Variants in KIRREL3 observed in about 807,000 individuals in gnomAD.
KIRREL3 encodes the protein kirre like nephrin family adhesion molecule 3, also known as kin of IRRE-like protein 3.
In KIRREL3, 36 loss-of-function variants were observed where a neutral mutation model predicts 89.7. That is an observed-to-expected ratio of 0.40 (90% CI 0.31 to 0.53). The LOEUF is 0.53. Ranked by LOEUF, KIRREL3 falls within the 20% of genes least tolerant of loss-of-function variation. The probability of loss-of-function intolerance (pLI) is 0.49; values close to 1 mark genes in which losing one functional copy is unlikely to be tolerated. For missense variants in KIRREL3, 864 were observed against 1,056.6 expected, an observed-to-expected ratio of 0.82 and a Z score of 2.53; for synonymous variants, 445 against 441.4, an observed-to-expected ratio of 1.01 and a Z score of -0.10.
intron 1 of KIRREL3, among the ~76,000 whole-genome samples, chr11:126,720,927 G>A (rs541379877): frequency 1.4e-4 from 21 of 152,298 alleles, no homozygotes; most frequent in African/African-American, 5.1e-4. Context: ...GGCAGGGGCA[G>A]GGAACAATCT....
intron 1 of KIRREL3, among the ~76,000 whole-genome samples, chr11:126,577,150 G>A (rs1443819820): frequency 3.3e-5 from 5 of 152,290 alleles, no homozygotes; most frequent in Non-Finnish European, 5.9e-5. Context: ...TCTTAGCCGC[G>A]TTTCCTATCG....
chr11:126,667,625 C>A (rs2135042225), intron 1 of KIRREL3, among the ~76,000 whole-genome samples: 1 of 152,262 alleles, frequency 6.6e-6, no homozygotes, highest in East Asian at 1.9e-4. Context: ...ATTCTACGAT[C>A]TTTTCCCAGA....
chr11:126,827,007 C>T (rs1017082033), intron 1 of KIRREL3, among the ~76,000 whole-genome samples: 2 of 152,136 alleles, frequency 1.3e-5, no homozygotes, highest in Non-Finnish European at 2.9e-5. Context: ...GGGCAGAGGG[C>T]TTTCCTTGTT....
chr11:126,698,225 T>C (rs923208676), intron 1 of KIRREL3, among the ~76,000 whole-genome samples: 7 of 152,192 alleles, frequency 4.6e-5, no homozygotes, highest in Admixed American at 4.6e-4. Context: ...GCAGGTTTTT[T>C]ACTGTGCCTT....
At position 126,692,738 on chromosome 11, in the gene KIRREL3, A is replaced by G. The variant is rs145140689; in HGVS notation, c.56-129826T>C. ...TTACGCTAAGTGAAACAAGCCAGTC[A>G]CAAAAGGACAAATATTGTATGACTT... On this transcript the variant is annotated intron_variant, in intron 1 of 16. Coordinates refer to ENST00000525144, the MANE Select transcript of KIRREL3 (RefSeq NM_032531.4). Among the ~76,000 whole-genome samples, 250 of 152,366 alleles carry G rather than the reference A, an allele frequency of 1.6e-3. 1 individual carries two copies. The highest frequency in any genetic ancestry group is 5.8e-3 in the African/African-American group (241 of 41,602).
intron 1 of KIRREL3, among the ~76,000 whole-genome samples, chr11:126,784,507 CG>C (rs1950423284): frequency 1.4e-5 from 2 of 145,402 alleles, no homozygotes; most frequent in South Asian, 4.5e-4. Context: ...TCTCCACTTA[CG>C]TCCTCAGTCA....
intron 1 of KIRREL3, among the ~76,000 whole-genome samples, chr11:126,725,191 G>T (rs1948329457): frequency 6.6e-6 from 1 of 152,248 alleles, no homozygotes; most frequent in Admixed American, 6.5e-5. Context: ...ACGTGACCCA[G>T]TGTGATGTAT....
rs544793251 is a variant in KIRREL3, at chr11:126,576,958, C to T, written c.56-14046G>A. ...GGGGAGGGAGTTGTTGCTTCCTGTGCTTCTCATATGAGAAAACTGAGGCTG... is the reference window on the plus strand; with the variant it reads ...GGGGAGGGAGTTGTTGCTTCCTGTGTTTCTCATATGAGAAAACTGAGGCTG... On this transcript the variant is annotated intron_variant, in intron 1 of 16. Coordinates refer to ENST00000525144, the MANE Select transcript of KIRREL3 (RefSeq NM_032531.4). This position sits in a 1 kb window ranked among gnomAD's most constrained non-coding sequence, Gnocchi z 5.4. Among the ~76,000 whole-genome samples, 1 of 152,148 alleles carries T rather than the reference C, an allele frequency of 6.6e-6. No homozygotes were observed. Among genetic ancestry groups the T allele is most frequent in the Non-Finnish European group, 1.5e-5 (1 of 68,038 alleles).
Position 126,844,112 on chromosome 11 carries a change from AC to A in KIRREL3, c.55+156342del, listed in dbSNP as rs1944054920. On this transcript the variant is annotated intron_variant, in intron 1 of 16. Coordinates refer to ENST00000525144, the MANE Select transcript of KIRREL3 (RefSeq NM_032531.4). This position sits in a 1 kb window ranked among gnomAD's most constrained non-coding sequence, Gnocchi z 4.8. ...ACCCTCTTTTGGAGTCTGGATGGGG[AC>A]CCCTTTCCAGTAACATCTTCCTGGT... Among the ~76,000 whole-genome samples, 1 of 152,024 alleles carries A rather than the reference AC, an allele frequency of 6.6e-6. No individual in the cohort carries two copies. The highest frequency in any genetic ancestry group is 1.5e-5 in the Non-Finnish European group (1 of 68,016).
chr11:126,545,847 G>A (rs1938774709), intron 2 of KIRREL3, among the ~76,000 whole-genome samples: 1 of 152,176 alleles, frequency 6.6e-6, no homozygotes, highest in African/African-American at 2.4e-5. Context: ...GGGTTGCAGG[G>A]CAGGGCCCCC....
chr11:126,850,980 C>T (rs1592222389), intron 1 of KIRREL3, among the ~76,000 whole-genome samples: 1 of 152,338 alleles, frequency 6.6e-6, no homozygotes, highest in East Asian at 1.9e-4. Flanking sequence ...AAGTAAGAGG[C>T]AGAGCAGCAC....
rs534628948 is a variant in KIRREL3 at position 126,558,656 on chromosome 11, G to T, written c.133+4179C>A. ...AGGAGGCCTGAGCTCTCTGAGGCAG[G>T]CACAGCCCCTCCCCTGATACATGTG... On this transcript the variant is annotated intron_variant, in intron 2 of 16. Transcript: ENST00000525144. This position sits in a 1 kb window ranked among gnomAD's most constrained non-coding sequence, Gnocchi z 4.0. Among the ~76,000 whole-genome samples the T allele has an allele frequency of 1.4e-4, 22 of 152,308 alleles. No individual in the cohort carries two copies. Among genetic ancestry groups the T allele is most frequent in the Admixed American group, 3.3e-4 (5 of 15,306 alleles).
intron 1 of KIRREL3, among the ~76,000 whole-genome samples, chr11:126,902,911 A>G (rs1394351670): frequency 6.6e-6 from 1 of 152,218 alleles, no homozygotes; most frequent in African/African-American, 2.4e-5. Flanking sequence ...AAATAAACAG[A>G]GATCCAGATA....
Position 126,764,430 on chromosome 11 carries a change from T to C in KIRREL3, c.56-201518A>G, listed in dbSNP as rs1949755984. ...ATAGGTGGCAGTGTGGATTCAGGGCTGTGTGGTTCAAGATCAACTTCGCAG... is the reference window on the plus strand; with the variant it reads ...ATAGGTGGCAGTGTGGATTCAGGGCCGTGTGGTTCAAGATCAACTTCGCAG... On this transcript the variant is annotated intron_variant, in intron 1 of 16. Transcript: ENST00000525144. The surrounding 1 kb of genome is among the most constrained non-coding windows in gnomAD (Gnocchi z 4.2). Among the ~76,000 whole-genome samples the C allele has an allele frequency of 6.6e-6, 1 of 152,148 alleles. No homozygotes were observed. The highest frequency in any genetic ancestry group is 1.5e-5 in the Non-Finnish European group (1 of 68,030).
rs1432200299 is a variant in KIRREL3, at chr11:126,917,974, C to T, written c.55+82481G>A. On this transcript the variant is annotated intron_variant, in intron 1 of 16. Coordinates refer to ENST00000525144, the MANE Select transcript of KIRREL3 (RefSeq NM_032531.4). The surrounding 1 kb of genome is among the most constrained non-coding windows in gnomAD (Gnocchi z 5.0). ...GGAGCAGAATTTAGATGCTGTGACT[C>T]ATCTCTCCAAGCTGGGTTTCCATAA... Among the ~76,000 whole-genome samples the T allele has an allele frequency of 6.6e-6, 1 of 152,152 alleles. No individual in the cohort carries two copies. Among genetic ancestry groups the T allele is most frequent in the Non-Finnish European group, 1.5e-5 (1 of 68,028 alleles).
chr11:126,686,413 AT>A lies in KIRREL3; in HGVS notation c.56-123502del, dbSNP rs1946667657. On this transcript the variant is annotated intron_variant, in intron 1 of 16. Transcript: ENST00000525144. The surrounding 1 kb of genome is among the most constrained non-coding windows in gnomAD (Gnocchi z 4.7). ...CTGCAGAGACAGAAGACACCATCCT[AT>A]TTTTATAAGCCTTGTGGGTCTGTGG... 6.6e-6 allele frequency among the ~76,000 whole-genome samples: 1 copy of A among 151,780 alleles called. No homozygotes were observed. Among genetic ancestry groups the A allele is most frequent in the African/African-American group, 2.4e-5 (1 of 41,316 alleles).
rs1941257596 is a variant in KIRREL3 at position 126,576,400 on chromosome 11, T to G, written c.56-13488A>C. 1.3e-5 allele frequency among the ~76,000 whole-genome samples: 2 copies of G among 152,336 alleles called. No homozygotes were observed. Among genetic ancestry groups the G allele is most frequent in the African/African-American group, 4.8e-5 (2 of 41,582 alleles). On this transcript the variant is annotated intron_variant, in intron 1 of 16. Transcript: ENST00000525144. The surrounding 1 kb of genome is among the most constrained non-coding windows in gnomAD (Gnocchi z 5.4). ...ATTCATTCATTCAAGGAGAGCTCAC[T>G]CTGTGTCAGTTCTGGCTGTTATGGA...
rs1957502283 is a variant in KIRREL3 at position 126,491,179 on chromosome 11, C to G, written c.434-17713G>C. ...TGGACTCTGGCGAGTTGCACCTCCCCGGGCGTCAGCGTCTGCATCTGAAAG... is the reference window on the plus strand; with the variant it reads ...TGGACTCTGGCGAGTTGCACCTCCCGGGGCGTCAGCGTCTGCATCTGAAAG... On this transcript the variant is annotated intron_variant, in intron 4 of 16. Transcript: ENST00000525144. This position sits in a 1 kb window ranked among gnomAD's most constrained non-coding sequence, Gnocchi z 5.5. Among the ~76,000 whole-genome samples, 2 of 152,190 alleles carry G rather than the reference C, an allele frequency of 1.3e-5. No individual in the cohort carries two copies. The highest frequency in any genetic ancestry group is 4.1e-4 in the South Asian group (2 of 4,832).
At position 126,527,287 on chromosome 11, in the gene KIRREL3, C is replaced by T. The variant is rs1267254852; in HGVS notation, c.134-600G>A. On this transcript the variant is annotated intron_variant, in intron 2 of 16. Coordinates refer to ENST00000525144, the MANE Select transcript of KIRREL3 (RefSeq NM_032531.4). The surrounding 1 kb of genome is among the most constrained non-coding windows in gnomAD (Gnocchi z 4.2). ...AGGCGTGCCATCCTACCGTGTCCTCCCTGTCCCTTTCTTTTCTGCAGCAGA... is the reference window on the plus strand; with the variant it reads ...AGGCGTGCCATCCTACCGTGTCCTCTCTGTCCCTTTCTTTTCTGCAGCAGA... Among the ~76,000 whole-genome samples, 1 of 152,004 alleles carries T rather than the reference C, an allele frequency of 6.6e-6. No individual in the cohort carries two copies. The highest frequency in any genetic ancestry group is 1.9e-4 in the East Asian group (1 of 5,164).
Sources: gnomAD v4.1 joint callset for allele counts (sites outside exome capture counted in the v4.1 genomes callset) on GRCh38, gnomAD v4.1.1 for gene constraint, Gnocchi (gnomAD v3.1) non-coding constraint, MANE v1.5 for transcripts, NCBI Gene and HGNC (gene_info 2026-07-23, HGNC 2026-07-21) for gene names.